Variants in WDR1 observed in about 807,000 individuals in gnomAD.
The protein encoded by WDR1 is WD repeat-containing protein 1.
In WDR1, 21 loss-of-function variants were observed where a neutral mutation model predicts 71.9. That is an observed-to-expected ratio of 0.29 (90% CI 0.21 to 0.42). WDR1 has a LOEUF of 0.42. WDR1 is among the 10% of genes least tolerant of loss of function. WDR1 has a pLI of 1.00. For missense variants in WDR1, 696 were observed against 824.5 expected, an observed-to-expected ratio of 0.84 and a Z score of 1.91; for synonymous variants, 424 against 347.4, an observed-to-expected ratio of 1.22 and a Z score of -2.45.
intron 9 of WDR1, chr4:10,083,741 T>C (rs1306826222): frequency 2.2e-6 from 1 of 455,796 alleles, no homozygotes; most frequent in Non-Finnish European, 4.4e-6. Flanking sequence ...CTGCAGATGG[T>C]GGCTCCAAGG....
In WDR1 at chr4:10,103,976, A is replaced by C. The variant is rs1433178987; in HGVS notation, c.149T>G (p.Leu50Arg). The change falls in exon 3 of 15, where the codon CTT becomes CGT. Residue 50 changes from leucine to arginine, a missense_variant. Transcript: ENST00000499869. ...GGCGTGCTCTGTGTAGATGTCAGCA[A>C]GGGCTGGGTTCTGCAGGAGGAGACC... ...VILRNIDNPALADIYTEHAHQ... is the reference protein window; with the variant it reads ...VILRNIDNPARADIYTEHAHQ... 14 of 1,598,042 alleles carry C rather than the reference A, an allele frequency of 8.8e-6. No homozygotes were observed. Among genetic ancestry groups the C allele is most frequent in the Non-Finnish European group, 1.2e-5 (14 of 1,172,742 alleles).
chr4:10,099,177 T>A (rs2241484), intron 3 of WDR1, 38 bp from the exon 4 acceptor site: 1 of 374,344 alleles, frequency 2.7e-6, no homozygotes, highest in Non-Finnish European at 5.0e-6. Context: ...GGGGAGGCGG[T>A]GGTGGGGTAA....
At chr4:10,079,948 A>G (rs1764950011) in intron 11 of WDR1, among the ~76,000 whole-genome samples, 1 of 151,790 alleles carries the variant, frequency 6.6e-6, no homozygotes, top group Non-Finnish European at 1.5e-5. Flanking sequence ...CCTGATCTAA[A>G]ATCCCAGGCC....
At chr4:10,096,135 C>T (rs907745385) in intron 5 of WDR1, 1 of 152,312 alleles carries the variant, frequency 6.6e-6, no homozygotes, top group African/African-American at 2.4e-5. Flanking sequence ...CTGGAACAAA[C>T]TGGTGCCCCT....
Position 10,116,130 on chromosome 4 carries a change from T to A in WDR1, c.121A>T (p.Ile41Phe). The part of the protein sequence containing the change: ...NFLYTNGKCV[I>F]LRNIDNPALA... ...GTACTCACGTCGATGTTCCTTAGGATGACGCACTTTCCATTGGTGTACAGA... is the reference window on the plus strand; with the variant it reads ...GTACTCACGTCGATGTTCCTTAGGAAGACGCACTTTCCATTGGTGTACAGA... Residue 41 changes from isoleucine (I) to phenylalanine (F), a missense_variant, in exon 2 of 15, where the codon ATC becomes TTC. Ile to Phe is a conservative substitution (Grantham distance 21). Transcript: ENST00000499869. 1 of 1,613,648 alleles carries A rather than the reference T, an allele frequency of 6.2e-7. No homozygotes were observed. The highest frequency in any genetic ancestry group is 8.5e-7 in the Non-Finnish European group (1 of 1,179,762).
At position 10,116,201 on chromosome 4, in the gene WDR1, C is replaced by T; in HGVS notation, c.50G>A (p.Arg17Lys). 6.2e-7 allele frequency: 1 copy of T among 1,613,752 alleles called. No homozygotes were observed. Among genetic ancestry groups the T allele is most frequent in the Non-Finnish European group, 8.5e-7 (1 of 1,179,832 alleles). Residue 17 changes from arginine (R) to lysine (K), a missense_variant, in exon 2 of 15, where the codon AGG (arginine) becomes AAG (lysine). Transcript: ENST00000499869. ...KVFASLPQVE[R>K]GVSKIIGGDP... ...GCCGCCGATGATCTTGGAGACGCCC[C>T]TCTCCACCTGCGGGAGGCTGGCGAA...
chr4:10,078,436 A>G (rs1764882384), intron 12 of WDR1, among the ~76,000 whole-genome samples: 1 of 152,176 alleles, frequency 6.6e-6, no homozygotes, highest in Admixed American at 6.5e-5. Flanking sequence ...GGAAACTGTA[A>G]AATGTCTGGT....
Position 10,080,454 on chromosome 4 carries a change from G to C in WDR1, c.1284+903C>G, listed in dbSNP as rs762367312. Among the ~76,000 whole-genome samples, 6 of 152,222 alleles carry C rather than the reference G, an allele frequency of 3.9e-5. No homozygotes were observed. In the South Asian group the frequency reaches 6.2e-4, roughly 16 times the overall value. On this transcript the variant is annotated intron_variant, in intron 11 of 14. Coordinates refer to ENST00000499869, the MANE Select transcript of WDR1 (RefSeq NM_017491.5). ...CCTTTGCACCTCCCCACCCCCACTG[G>C]CTGTCCAGGCTGTTTGCAATAATTA...
At chr4:10,109,502 C>T (rs773661990) in intron 2 of WDR1, among the ~76,000 whole-genome samples, 11 of 152,242 alleles carry the variant, frequency 7.2e-5, no homozygotes, top group Non-Finnish European at 1.3e-4. Flanking sequence ...AAACAGTGTA[C>T]AGGCAGCTCC....
chr4:10,087,440 A>G (rs749046317), intron 8 of WDR1, among the ~76,000 whole-genome samples: 2 of 152,226 alleles, frequency 1.3e-5, no homozygotes, highest in Non-Finnish European at 2.9e-5. Context: ...GGTGATGGCC[A>G]CTGCCCCGAA....
chr4:10,080,390 C>A (rs567714638), intron 11 of WDR1, among the ~76,000 whole-genome samples: 1 of 152,212 alleles, frequency 6.6e-6, no homozygotes, highest in African/African-American at 2.4e-5. Context: ...CGCTTTGTAG[C>A]GTTTCCCCCA....
chr4:10,088,326 G>A lies in WDR1; in HGVS notation c.684C>T (p.Gly228=), dbSNP rs560340311. 16 of 1,558,454 alleles carry A rather than the reference G, an allele frequency of 1.0e-5. 1 individual carries two copies. The highest frequency in any genetic ancestry group is 2.4e-5 in the East Asian group (1 of 41,416). ...GKTGEKVCAL[G]GSKAHDGGIY... is the part of the protein sequence containing the mutation. ...TCCCACCGTCGTGGGCCTTGCTTCC[G>A]CCCAGCGCGCACACCTTCTCCCCAG... The change falls in exon 7 of 15, where the codon GGC becomes GGT. Residue 228 remains glycine, a synonymous_variant. Transcript: ENST00000499869.
At chr4:10,096,891 T>C (rs945536504) in intron 5 of WDR1, among the ~76,000 whole-genome samples, 7 of 152,280 alleles carry the variant, frequency 4.6e-5, no homozygotes, top group African/African-American at 1.4e-4. Context: ...CCATTGTTCT[T>C]GTCCATCCTC....
chr4:10,080,794 G>A (rs561221102), intron 11 of WDR1, among the ~76,000 whole-genome samples: 6 of 152,246 alleles, frequency 3.9e-5, no homozygotes, highest in Non-Finnish European at 8.8e-5. Context: ...GCCAGGCCGG[G>A]AAGTCAGGTG....
intron 3 of WDR1, 31 bp from the exon 4 acceptor site, chr4:10,099,170 G>GTC: frequency 1.2e-6 from 1 of 802,002 alleles, no homozygotes; most frequent in Admixed American, 2.3e-5. Context: ...GGGAGGGGGG[G>GTC]AGGCGGTGGT....
Position 10,087,918 on chromosome 4 carries a change from G to A in WDR1, c.740C>T (p.Thr247Ile). ...GTCCCCAGAAGCAGAAAGCAAATGG[G>A]TGCTGTCGGGACTCCAACTAATCTA... ...IYAISWSPDS[T>I]HLLSASGDKT... is the part of the protein sequence containing the mutation. Residue 247 changes from threonine (T) to isoleucine (I), a missense_variant, in exon 8 of 15, where the codon ACC becomes ATC. By Grantham distance (89) the Thr-to-Ile change is moderately conservative. Transcript: ENST00000499869. 1 of 1,556,460 alleles carries A rather than the reference G, an allele frequency of 6.4e-7. No individual in the cohort carries two copies. Among genetic ancestry groups the A allele is most frequent in the Non-Finnish European group, 8.7e-7 (1 of 1,149,286 alleles).
At chr4:10,112,071 C>G (rs74448201) in intron 2 of WDR1, among the ~76,000 whole-genome samples, 2 of 149,020 alleles carry the variant, frequency 1.3e-5, no homozygotes, top group South Asian at 4.3e-4. Flanking sequence ...TTTTTTTTTT[C>G]TTTTTCTAAA....
chr4:10,091,005 A>G (rs1243148297), intron 5 of WDR1, among the ~76,000 whole-genome samples: 1 of 152,250 alleles, frequency 6.6e-6, no homozygotes, highest in Non-Finnish European at 1.5e-5. Context: ...CAGGTCTGTG[A>G]TCAGCTCATG....
Position 10,105,145 on chromosome 4 carries a change from T to C in WDR1, c.139-1159A>G, listed in dbSNP as rs149878055. On this transcript the variant is annotated intron_variant, in intron 2 of 14. Transcript: ENST00000499869. Reference sequence around the variant, plus strand: ...CCTAACGGAAGCGTTCCCTCCTCCATGAAGCCTCCAAGTATGGCCCAAGCT... The same window carrying C: ...CCTAACGGAAGCGTTCCCTCCTCCACGAAGCCTCCAAGTATGGCCCAAGCT... Among the ~76,000 whole-genome samples the C allele has an allele frequency of 2.6e-3, 399 of 152,342 alleles. 1 individual carries two copies. Among genetic ancestry groups the C allele is most frequent in the Non-Finnish European group, 4.3e-3 (292 of 68,030 alleles).
Sources: allele counts gnomAD v4.1 joint callset (sites outside exome capture counted in the v4.1 genomes callset), GRCh38; gene constraint gnomAD v4.1.1; transcripts MANE v1.5; gene names NCBI Gene and HGNC (gene_info 2026-07-23, HGNC 2026-07-21).